The following OSBPL3 variants were observed in gnomAD, a reference collection of about 807,000 sequenced individuals.
The protein encoded by OSBPL3 is oxysterol binding protein like 3, also known as oxysterol-binding protein-related protein 3.
Under a neutral mutation model 120.1 loss-of-function variants are expected in OSBPL3, and 65 were observed. That is an observed-to-expected ratio of 0.54 (90% CI 0.44 to 0.67). The LOEUF (loss-of-function observed/expected upper bound fraction) is 0.67, where lower values mean the gene tolerates loss of function less well. OSBPL3 is among the 30% of genes least tolerant of loss of function. OSBPL3 has a pLI of 0.00. For synonymous variants in OSBPL3, 416 were observed against 402.6 expected (o/e 1.03, Z -0.40); for missense variants, 1,004 against 1,082.1 (o/e 0.93, Z 1.01).
chr7:24,870,356 C>T (rs145393936), intron 5 of OSBPL3, among the ~76,000 whole-genome samples: 1 of 152,318 alleles, frequency 6.6e-6, no homozygotes, highest in East Asian at 1.9e-4. Flanking sequence ...TAAAACAGGG[C>T]TCCATGGCCT....
intron 1 of OSBPL3, among the ~76,000 whole-genome samples, chr7:24,954,645 C>T (rs1305180755): frequency 6.6e-6 from 1 of 152,074 alleles, no homozygotes; most frequent in African/African-American, 2.4e-5. Context: ...CTCCTGACCC[C>T]ATCTCCTACA....
chr7:24,936,728 G>A lies in OSBPL3; in HGVS notation c.-150+43158C>T, dbSNP rs577069673. Among the ~76,000 whole-genome samples the A allele has an allele frequency of 2.4e-4, 36 of 152,318 alleles. No homozygotes were observed. The highest frequency in any genetic ancestry group is 6.2e-4 in the South Asian group (3 of 4,826). Reference sequence around the variant, plus strand: ...GGTATGTAGAAGTTAGGGAAGATGTGAAGGGATATGATTCTGGAAACAATC... The same window carrying A: ...GGTATGTAGAAGTTAGGGAAGATGTAAAGGGATATGATTCTGGAAACAATC... On this transcript the variant is annotated intron_variant, in intron 1 of 22. Coordinates refer to ENST00000313367, the MANE Select transcript of OSBPL3 (RefSeq NM_015550.4). The surrounding 1 kb of genome is among the most constrained non-coding windows in gnomAD (Gnocchi z 4.2).
intron 5 of OSBPL3, among the ~76,000 whole-genome samples, 156 bp downstream of exon 5, chr7:24,870,576 G>A (rs899692758): frequency 2.0e-5 from 3 of 152,222 alleles, no homozygotes; most frequent in East Asian, 1.9e-4. Flanking sequence ...GCACAATGAC[G>A]TCCCATTCAA....
In OSBPL3 at chr7:24,863,667, T is replaced by G. The variant is rs1022553759; in HGVS notation, c.674-68A>C. ...AAGAGGGATCACTGTGCTGTCCCCATGCCAGCTACTTTTCCTTATTTATCT... is the reference window on the plus strand; with the variant it reads ...AAGAGGGATCACTGTGCTGTCCCCAGGCCAGCTACTTTTCCTTATTTATCT... On this transcript the variant is annotated intron_variant, in intron 7 of 22. Transcript: ENST00000313367. The surrounding 1 kb of genome is among the most constrained non-coding windows in gnomAD (Gnocchi z 5.8). 1.0e-5 allele frequency: 10 copies of G among 991,488 alleles called. No homozygotes were observed. In the Admixed American group the frequency reaches 2.0e-4, roughly 20 times the overall value. The allele number at this position is 991,488 out of a possible 1,614,324, so 61.4% of individuals were successfully genotyped here.
At position 24,873,621 on chromosome 7, in the gene OSBPL3, G is replaced by C. The variant is rs1802465974; in HGVS notation, c.97-1552C>G. On this transcript the variant is annotated intron_variant, in intron 2 of 22. Transcript: ENST00000313367. The surrounding 1 kb of genome is among the most constrained non-coding windows in gnomAD (Gnocchi z 4.1). ...TTTTTTTAAGGAAGGTAGCAATGTT[G>C]AATGAGATTTCTTCATAACAAAATT... is the stretch of plus-strand genomic sequence containing the variant. Among the ~76,000 whole-genome samples the C allele has an allele frequency of 6.6e-6, 1 of 151,636 alleles. No homozygotes were observed. Among genetic ancestry groups the C allele is most frequent in the South Asian group, 2.1e-4 (1 of 4,818 alleles).
chr7:24,911,486 G>A (rs968431070), intron 1 of OSBPL3, among the ~76,000 whole-genome samples: 1 of 152,136 alleles, frequency 6.6e-6, no homozygotes, highest in African/African-American at 2.4e-5. Context: ...AGCTAACAAT[G>A]GGTAATGCTC....
rs1439327470 is a variant in OSBPL3, at chr7:24,939,964, T to C, written c.-150+39922A>G. 6.6e-6 allele frequency among the ~76,000 whole-genome samples: 1 copy of C among 151,986 alleles called. No individual in the cohort carries two copies. Among genetic ancestry groups the C allele is most frequent in the Non-Finnish European group, 1.5e-5 (1 of 67,992 alleles). ...CACATGTATACCTATGTAACAAACC[T>C]GCATGTTCTGCACATGTATCCCAGA... On this transcript the variant is annotated intron_variant, in intron 1 of 22. Coordinates refer to ENST00000313367, the MANE Select transcript of OSBPL3 (RefSeq NM_015550.4). The surrounding 1 kb of genome is among the most constrained non-coding windows in gnomAD (Gnocchi z 4.2).
Position 24,930,296 on chromosome 7 carries a change from G to T in OSBPL3, c.-149-37675C>A, listed in dbSNP as rs73276244. Among the ~76,000 whole-genome samples, 20,816 of 152,110 alleles carry T rather than the reference G, an allele frequency of 0.14. 1,800 individuals carry two copies. Among genetic ancestry groups the T allele is most frequent in the African/African-American group, 0.23 (9,556 of 41,462 alleles). On this transcript the variant is annotated intron_variant, in intron 1 of 22. Coordinates refer to ENST00000313367, the MANE Select transcript of OSBPL3 (RefSeq NM_015550.4). This position sits in a 1 kb window ranked among gnomAD's most constrained non-coding sequence, Gnocchi z 4.4. Reference sequence around the variant, plus strand: ...AAAAAATGTGCAAATAAAACATCTGGTGTTTGTAGGAATACATGGGAAAAA... The same window carrying T: ...AAAAAATGTGCAAATAAAACATCTGTTGTTTGTAGGAATACATGGGAAAAA...
chr7:24,869,246 A>G (rs1020087264), intron 5 of OSBPL3, among the ~76,000 whole-genome samples: 2 of 152,238 alleles, frequency 1.3e-5, no homozygotes, highest in African/African-American at 4.8e-5. Context: ...TTTAAAAATT[A>G]TGAATTCATA....
intron 1 of OSBPL3, among the ~76,000 whole-genome samples, chr7:24,902,701 A>AAATAATAATAATAATAAT (rs70942894): frequency 1.4e-4 from 20 of 144,028 alleles, no homozygotes; most frequent in East Asian, 6.1e-4. Context: ...AAGAGAAAAT[A>AAATAATAATAATAATAAT]AATAATAATA....
At chr7:24,921,426 T>C (rs1308832103) in intron 1 of OSBPL3, among the ~76,000 whole-genome samples, 2 of 152,164 alleles carry the variant, frequency 1.3e-5, no homozygotes, top group Admixed American at 1.3e-4. Flanking sequence ...CAAAAGGTAA[T>C]TGTAAATCAC....
Position 24,894,599 on chromosome 7 carries a change from C to G in OSBPL3, c.-149-1978G>C, listed in dbSNP as rs1470101973. 6.6e-6 allele frequency among the ~76,000 whole-genome samples: 1 copy of G among 152,020 alleles called. No individual in the cohort carries two copies. Among genetic ancestry groups the G allele is most frequent in the Non-Finnish European group, 1.5e-5 (1 of 68,014 alleles). Reference sequence around the variant, plus strand: ...GAGGGGGCATCCACTGCTATGGCAACAGATTCCACAGTGGATTAGGAATAC... The same window carrying G: ...GAGGGGGCATCCACTGCTATGGCAAGAGATTCCACAGTGGATTAGGAATAC... On this transcript the variant is annotated intron_variant, in intron 1 of 22. Coordinates refer to ENST00000313367, the MANE Select transcript of OSBPL3 (RefSeq NM_015550.4). The surrounding 1 kb of genome is among the most constrained non-coding windows in gnomAD (Gnocchi z 4.1).
At position 24,932,650 on chromosome 7, in the gene OSBPL3, C is replaced by T. The variant is rs577224524; in HGVS notation, c.-149-40029G>A. Among the ~76,000 whole-genome samples the T allele has an allele frequency of 1.1e-4, 16 of 152,302 alleles. No individual in the cohort carries two copies. The highest frequency in any genetic ancestry group is 2.6e-4 in the African/African-American group (11 of 41,558). ...AAGGCACTGTCTACCAACCAAAAAACGAGCCTCCCAAGACACCAAATCCAA... is the reference window on the plus strand; with the variant it reads ...AAGGCACTGTCTACCAACCAAAAAATGAGCCTCCCAAGACACCAAATCCAA... On this transcript the variant is annotated intron_variant, in intron 1 of 22. Transcript: ENST00000313367. This position sits in a 1 kb window ranked among gnomAD's most constrained non-coding sequence, Gnocchi z 5.6.
rs774965225 is a variant in OSBPL3, at chr7:24,834,607, T to C, written c.1625A>G (p.Lys542Arg). 1 of 1,614,052 alleles carries C rather than the reference T, an allele frequency of 6.2e-7. No homozygotes were observed. Among genetic ancestry groups the C allele is most frequent in the Non-Finnish European group, 8.5e-7 (1 of 1,180,024 alleles). Residue 542 changes from lysine (K) to arginine (R), a missense_variant, in exon 15 of 23, where the codon AAG becomes AGG. Transcript: ENST00000313367. This position sits in a 1 kb window ranked among gnomAD's most constrained non-coding sequence, Gnocchi z 5.2. ...GTTCAGCTCCACCGGCATGGCCACC[T>C]TGGACAGGTCCTTCCCGATGTTGTT... Reference protein sequence around the residue: ...LRNNIGKDLSKVAMPVELNEP... With the variant: ...LRNNIGKDLSRVAMPVELNEP...
intron 2 of OSBPL3, among the ~76,000 whole-genome samples, chr7:24,876,801 T>G (rs1471693081): frequency 2.0e-5 from 3 of 152,222 alleles, no homozygotes; most frequent in African/African-American, 7.2e-5. Flanking sequence ...GGAGAACACT[T>G]TCTAGCTCTA....
At chr7:24,971,069 C>T (rs1816965208) in intron 1 of OSBPL3, among the ~76,000 whole-genome samples, 1 of 152,244 alleles carries the variant, frequency 6.6e-6, no homozygotes, top group South Asian at 2.1e-4. Flanking sequence ...CTACCCTGTC[C>T]AGCTCAAAGA....
At chr7:24,874,038 T>A (rs571129892) in intron 2 of OSBPL3, among the ~76,000 whole-genome samples, 3 of 152,318 alleles carry the variant, frequency 2.0e-5, no homozygotes, top group Non-Finnish European at 4.4e-5. Flanking sequence ...ATTTCTGATT[T>A]CCCCACAATG....
At chr7:24,979,632 C>T (rs1818012225) in intron 1 of OSBPL3, among the ~76,000 whole-genome samples, 3 of 152,290 alleles carry the variant, frequency 2.0e-5, no homozygotes, top group South Asian at 2.1e-4. Flanking sequence ...GCGGTCAATC[C>T]TCTGAGCCGT....
chr7:24,887,686 A>C (rs1804731184), intron 2 of OSBPL3, among the ~76,000 whole-genome samples: 1 of 152,200 alleles, frequency 6.6e-6, no homozygotes, highest in South Asian at 2.1e-4. Context: ...CTTCTCTATC[A>C]CTAAGGGGTG....
Sources: gnomAD v4.1 joint callset for allele counts (sites outside exome capture counted in the v4.1 genomes callset) on GRCh38, gnomAD v4.1.1 for gene constraint, Gnocchi (gnomAD v3.1) non-coding constraint, MANE v1.5 for transcripts, NCBI Gene and HGNC (gene_info 2026-07-23, HGNC 2026-07-21) for gene names.